The following CNTNAP5 variants were observed in gnomAD, a reference collection of about 807,000 sequenced individuals.
CNTNAP5 encodes the protein contactin associated protein family member 5, also known as contactin-associated protein-like 5.
Under a neutral mutation model 150.2 loss-of-function variants are expected in CNTNAP5, and 72 were observed. That is an observed-to-expected ratio of 0.48 (90% CI 0.40 to 0.58). The LOEUF (loss-of-function observed/expected upper bound fraction) is 0.58. CNTNAP5 is among the 20% of genes least tolerant of loss of function. The pLI is 0.00. For missense variants in CNTNAP5, 1,636 were observed against 1,626.2 expected (o/e 1.01, Z -0.10); for synonymous variants, 672 against 619.8 (o/e 1.08, Z -1.25).
At chr2:124,050,746 A>T (rs1681674499) in intron 1 of CNTNAP5, among the ~76,000 whole-genome samples, 1 of 152,168 alleles carries the variant, frequency 6.6e-6, no homozygotes, top group Non-Finnish European at 1.5e-5. Context: ...TTGTACTTTG[A>T]TGAAGAATAC....
At chr2:124,250,294 G>C (rs994281944) in intron 3 of CNTNAP5, among the ~76,000 whole-genome samples, 1 of 152,146 alleles carries the variant, frequency 6.6e-6, no homozygotes, top group Admixed American at 6.6e-5. Context: ...CTCAGGTGCT[G>C]CTGGTGCTCC....
intron 3 of CNTNAP5, among the ~76,000 whole-genome samples, chr2:124,254,714 T>C (rs542284651): frequency 6.6e-6 from 1 of 152,318 alleles, no homozygotes; most frequent in East Asian, 1.9e-4. Context: ...TGGAGTAACT[T>C]GATGGAGGCC....
chr2:124,307,418 G>A (rs1307931005), intron 3 of CNTNAP5, among the ~76,000 whole-genome samples: 5 of 152,134 alleles, frequency 3.3e-5, no homozygotes, highest in Admixed American at 6.5e-5. Context: ...GGGGAAGGAC[G>A]CTAACCTACT....
intron 6 of CNTNAP5, among the ~76,000 whole-genome samples, chr2:124,459,962 T>G (rs944196896): frequency 1.3e-5 from 2 of 152,172 alleles, no homozygotes; most frequent in Admixed American, 6.5e-5. Context: ...CCCAGTCTAT[T>G]GGTCAGGCTT....
intron 13 of CNTNAP5, among the ~76,000 whole-genome samples, chr2:124,706,565 G>A (rs1397680870): frequency 6.6e-6 from 1 of 151,814 alleles, no homozygotes. Context: ...TGGCCAAAGT[G>A]GTGAAACCCC....
rs1573463160 is a variant in CNTNAP5, at chr2:124,565,947, G to T, written c.1756+2624G>T. 4.3e-5 allele frequency among the ~76,000 whole-genome samples: 5 copies of T among 117,426 alleles called. No homozygotes were observed. The South Asian group carries it at 1.4e-3, about 32-fold the overall frequency. 77.0% of individuals were successfully genotyped at this position (117,426 alleles called of 152,430 possible). A position where few individuals can be genotyped will look rare whatever the true frequency, so the allele number is the denominator to read the frequency against. ...TACGTATAAGATTTTATCAATTGAG[G>T]GATCCTTTTTTTTTTTTTGCAGATC... On this transcript the variant is annotated intron_variant, in intron 11 of 23. Coordinates refer to ENST00000682447, the MANE Select transcript of CNTNAP5 (RefSeq NM_001367498.1).
At chr2:124,300,625 G>A (rs1688549932) in intron 3 of CNTNAP5, among the ~76,000 whole-genome samples, 1 of 152,186 alleles carries the variant, frequency 6.6e-6, no homozygotes, top group African/African-American at 2.4e-5. Flanking sequence ...GAGTGGCAGG[G>A]ATAGAAGCAC....
At chr2:124,665,264 C>G (rs1678674588) in intron 13 of CNTNAP5, among the ~76,000 whole-genome samples, 1 of 152,170 alleles carries the variant, frequency 6.6e-6, no homozygotes, top group Non-Finnish European at 1.5e-5. Flanking sequence ...CATCAGACCT[C>G]TGAAGTACTA....
chr2:124,123,332 A>C (rs1279961805), intron 1 of CNTNAP5, among the ~76,000 whole-genome samples: 1 of 152,116 alleles, frequency 6.6e-6, no homozygotes, highest in Non-Finnish European at 1.5e-5. Flanking sequence ...TCGAACTGCA[A>C]AAAGGTGGCA....
intron 11 of CNTNAP5, among the ~76,000 whole-genome samples, chr2:124,598,539 C>T (rs1416003625): frequency 6.9e-6 from 1 of 144,890 alleles, no homozygotes; most frequent in Non-Finnish European, 1.5e-5. Context: ...AACCACTGCT[C>T]TCTTCAAGGC....
chr2:124,818,894 A>G (rs1260171064), intron 19 of CNTNAP5, among the ~76,000 whole-genome samples: 1 of 151,954 alleles, frequency 6.6e-6, no homozygotes, highest in African/African-American at 2.4e-5. Flanking sequence ...CGACCTTCTC[A>G]TTATTTCTAG....
At chr2:124,740,770 A>G (rs6736347) in intron 13 of CNTNAP5, among the ~76,000 whole-genome samples, 38,755 of 152,138 alleles carry the variant, frequency 0.25, 5,568 homozygotes, top group Non-Finnish European at 0.34. Context: ...ACACTCACTC[A>G]TCTGTGCATC....
chr2:124,133,684 CT>C (rs756455132), intron 1 of CNTNAP5, among the ~76,000 whole-genome samples: 7 of 152,042 alleles, frequency 4.6e-5, no homozygotes, highest in Non-Finnish European at 7.4e-5. Flanking sequence ...TTTTTTCCCT[CT>C]GCAGTTGGAA....
chr2:124,396,650 C>G (rs182830723), intron 3 of CNTNAP5, among the ~76,000 whole-genome samples: 260 of 152,158 alleles, frequency 1.7e-3, no homozygotes, highest in African/African-American at 5.9e-3. Context: ...TATACCTTTT[C>G]TAATGAATAG....
intron 3 of CNTNAP5, among the ~76,000 whole-genome samples, chr2:124,250,849 A>T (rs1687153115): frequency 6.6e-6 from 1 of 151,546 alleles, no homozygotes. Flanking sequence ...TGAAGTTATT[A>T]TTGCAATGGT....
At chr2:124,740,465 C>T (rs893879181) in intron 13 of CNTNAP5, among the ~76,000 whole-genome samples, 1 of 152,116 alleles carries the variant, frequency 6.6e-6, no homozygotes, top group Non-Finnish European at 1.5e-5. Context: ...GTTACACTGC[C>T]AATCATTGGG....
intron 8 of CNTNAP5, among the ~76,000 whole-genome samples, chr2:124,520,042 G>A (rs72843195): frequency 0.049 from 7,505 of 152,192 alleles, 257 homozygotes; most frequent in Non-Finnish European, 0.083. Context: ...GAAAATTCCA[G>A]TATAATATAA....
Position 124,025,413 on chromosome 2 carries a change from A to C in CNTNAP5, c.-238A>C. The stretch of plus-strand genomic sequence containing the variant: ...AAGAGAAGGAAGAGGCGGGCGAGGA[A>C]GGCGAGTCCAGCTAGCGGCTGTTGC... On this transcript the variant is annotated 5_prime_UTR_variant, in exon 1 of 24. Coordinates refer to ENST00000682447, the MANE Select transcript of CNTNAP5 (RefSeq NM_001367498.1). 1 of 564,184 alleles carries C rather than the reference A, an allele frequency of 1.8e-6. No homozygotes were observed. Among genetic ancestry groups the C allele is most frequent in the Non-Finnish European group, 3.2e-6 (1 of 314,074 alleles). The allele number at this position is 564,184 out of a possible 1,614,324, so 34.9% of individuals were successfully genotyped here. A position where few individuals can be genotyped will look rare whatever the true frequency, so the allele number is the denominator to read the frequency against.
At chr2:124,577,616 A>C (rs1573470970) in intron 11 of CNTNAP5, among the ~76,000 whole-genome samples, 1 of 152,294 alleles carries the variant, frequency 6.6e-6, no homozygotes, top group Non-Finnish European at 1.5e-5. Context: ...ATGTGGGCAG[A>C]AGGGAGATGG....
Sources: gnomAD v4.1 joint callset for allele counts (sites outside exome capture counted in the v4.1 genomes callset) on GRCh38, gnomAD v4.1.1 for gene constraint, MANE v1.5 for transcripts, NCBI Gene and HGNC (gene_info 2026-07-23, HGNC 2026-07-21) for gene names.